The following ADAMTS2 variants were observed in gnomAD, a reference collection of about 807,000 sequenced individuals.
The protein encoded by ADAMTS2 is ADAM metallopeptidase with thrombospondin type 1 motif 2, also known as A disintegrin and metalloproteinase with thrombospondin motifs 2.
ADAMTS2 carries 50 observed loss-of-function variants against 123.0 expected under a neutral mutation model. The observed-to-expected ratio is 0.41, with a 90% CI of 0.32 to 0.51. The LOEUF is 0.51. Among genes scored for constraint, ADAMTS2 ranks in the 20% least tolerant of loss-of-function variants. The probability of loss-of-function intolerance (pLI) is 0.35; values close to 1 mark genes in which losing one functional copy is unlikely to be tolerated. For missense variants in ADAMTS2, 1,494 were observed against 1,705.2 expected (o/e 0.88, Z 2.18); for synonymous variants, 678 against 695.4 (o/e 0.98, Z 0.39).
chr5:179,208,578 C>T (rs1253211161), intron 3 of ADAMTS2, among the ~76,000 whole-genome samples: 2 of 152,180 alleles, frequency 1.3e-5, no homozygotes, highest in Non-Finnish European at 2.9e-5. Flanking sequence ...CTGTGCAGTG[C>T]TGTCTCTGCT....
At chr5:179,145,873 A>G (rs1358323796) in intron 10 of ADAMTS2, among the ~76,000 whole-genome samples, 1 of 152,142 alleles carries the variant, frequency 6.6e-6, no homozygotes, top group Non-Finnish European at 1.5e-5. Flanking sequence ...TATTTTTGAG[A>G]CGAAGTTTCG....
Position 179,273,020 on chromosome 5 carries a change from G to A in ADAMTS2, c.579C>T (p.Pro193=). Residue 193 remains proline (P), a synonymous_variant, in exon 3 of 22, where the codon CCC becomes CCT. Coordinates refer to ENST00000251582, the MANE Select transcript of ADAMTS2 (RefSeq NM_014244.5). ...RMEEEEFFIE[P]LEKGLAAQEA... Reference sequence around the variant, plus strand: ...CCTGCGCCGCCAGCCCCTTCTCCAAGGGTTCGATGAAGAACTCCTCCTCCT... The same window carrying A: ...CCTGCGCCGCCAGCCCCTTCTCCAAAGGTTCGATGAAGAACTCCTCCTCCT... 1 of 1,613,550 alleles carries A rather than the reference G, an allele frequency of 6.2e-7. No individual in the cohort carries two copies. Among genetic ancestry groups the A allele is most frequent in the Non-Finnish European group, 8.5e-7 (1 of 1,180,022 alleles).
chr5:179,223,591 C>A (rs1018055047), intron 3 of ADAMTS2, among the ~76,000 whole-genome samples: 8 of 151,258 alleles, frequency 5.3e-5, no homozygotes, highest in Non-Finnish European at 8.9e-5. Flanking sequence ...CGCATGCACT[C>A]ACGCGTGAAT....
chr5:179,136,075 G>C (rs913492263), intron 12 of ADAMTS2, 33 bp from the exon 13 acceptor site: 2 of 1,612,848 alleles, frequency 1.2e-6, no homozygotes, highest in Non-Finnish European at 1.7e-6. Flanking sequence ...TCTGCAAGGA[G>C]CCCTGATGGC....
chr5:179,314,666 C>T lies in ADAMTS2; in HGVS notation c.534+29101G>A, dbSNP rs1248943281. On this transcript the variant is annotated intron_variant, in intron 2 of 21. Coordinates refer to ENST00000251582, the MANE Select transcript of ADAMTS2 (RefSeq NM_014244.5). The surrounding 1 kb of genome is among the most constrained non-coding windows in gnomAD (Gnocchi z 4.5). ...TGTGCTTGTCCCACAGGGTGACGGG[C>T]CAGAATTACAAGCCCCTGATTCTGG... is the stretch of plus-strand genomic sequence containing the variant. 1.3e-5 allele frequency among the ~76,000 whole-genome samples: 2 copies of T among 151,938 alleles called. No individual in the cohort carries two copies. Among genetic ancestry groups the T allele is most frequent in the East Asian group, 1.9e-4 (1 of 5,164 alleles).
chr5:179,210,837 TC>T (rs1368310085), intron 3 of ADAMTS2, among the ~76,000 whole-genome samples: 1 of 152,198 alleles, frequency 6.6e-6, no homozygotes, highest in Non-Finnish European at 1.5e-5. Flanking sequence ...GAGTGCCACC[TC>T]AGTTTTCCCC....
intron 3 of ADAMTS2, among the ~76,000 whole-genome samples, chr5:179,229,381 G>A (rs1471446708): frequency 2.0e-4 from 7 of 35,576 alleles, no homozygotes; most frequent in Admixed American, 2.9e-4. Context: ...CCACAAACAC[G>A]AGACCCCGCT....
chr5:179,304,021 T>C (rs1233505371), intron 2 of ADAMTS2, among the ~76,000 whole-genome samples: 2 of 152,142 alleles, frequency 1.3e-5, no homozygotes, highest in Non-Finnish European at 2.9e-5. Context: ...CAACACGCCA[T>C]AGGTTCTGGG....
At chr5:179,329,196 G>C (rs373753669) in intron 2 of ADAMTS2, among the ~76,000 whole-genome samples, 1 of 151,928 alleles carries the variant, frequency 6.6e-6, no homozygotes, top group Admixed American at 6.6e-5. Context: ...GTGTGGTGGC[G>C]GGCGCCTGTA....
intron 3 of ADAMTS2, among the ~76,000 whole-genome samples, chr5:179,222,859 G>C (rs1313902869): frequency 6.6e-6 from 1 of 152,206 alleles, no homozygotes; most frequent in African/African-American, 2.4e-5. Flanking sequence ...GCAGGGCCCA[G>C]CTGCCTCCGA....
At chr5:179,230,577 C>T (rs770094241) in intron 3 of ADAMTS2, among the ~76,000 whole-genome samples, 4 of 152,218 alleles carry the variant, frequency 2.6e-5, no homozygotes, top group Non-Finnish European at 4.4e-5. Context: ...CCTTGGGTCT[C>T]ACTTCTGGGA....
intron 4 of ADAMTS2, among the ~76,000 whole-genome samples, chr5:179,186,828 C>T (rs978477232): frequency 2.0e-5 from 3 of 150,414 alleles, no homozygotes; most frequent in East Asian, 2.0e-4. Context: ...CGGTCCCCCT[C>T]GTGTCCTCCC....
intron 3 of ADAMTS2, among the ~76,000 whole-genome samples, chr5:179,258,183 A>T (rs1180167430): frequency 6.6e-6 from 1 of 152,108 alleles, no homozygotes; most frequent in Non-Finnish European, 1.5e-5. Flanking sequence ...TGGGGCTGGG[A>T]CTGCCCATGG....
At chr5:179,259,455 C>T (rs1257499940) in intron 3 of ADAMTS2, among the ~76,000 whole-genome samples, 6 of 152,210 alleles carry the variant, frequency 3.9e-5, no homozygotes, top group African/African-American at 1.4e-4. Context: ...TTGGATGAAT[C>T]AAGGGAGAGA....
intron 3 of ADAMTS2, among the ~76,000 whole-genome samples, chr5:179,235,753 CCT>C (rs1206989482): frequency 6.6e-6 from 1 of 152,228 alleles, no homozygotes; most frequent in Non-Finnish European, 1.5e-5. Context: ...CCAATAGGGT[CCT>C]CTCTGTTGCT....
Position 179,130,142 on chromosome 5 carries a change from G to C in ADAMTS2, c.2291-44C>G. On this transcript the variant is annotated intron_variant, in intron 15 of 21. Coordinates refer to ENST00000251582, the MANE Select transcript of ADAMTS2 (RefSeq NM_014244.5). This position sits in a 1 kb window ranked among gnomAD's most constrained non-coding sequence, Gnocchi z 4.3. Reference sequence around the variant, plus strand: ...AGTCCCCCGTTGTGGTCACCCAAGAGCAGGACCCAGGCCCACTGGTTTGGG... The same window carrying C: ...AGTCCCCCGTTGTGGTCACCCAAGACCAGGACCCAGGCCCACTGGTTTGGG... 1.2e-6 allele frequency: 2 copies of C among 1,612,310 alleles called. No individual in the cohort carries two copies. Among genetic ancestry groups the C allele is most frequent in the African/African-American group, 1.3e-5 (1 of 75,034 alleles).
intron 3 of ADAMTS2, among the ~76,000 whole-genome samples, chr5:179,269,411 CA>C (rs11440029): frequency 0.48 from 72,753 of 151,728 alleles, 17,970 homozygotes; most frequent in African/African-American, 0.59. Context: ...GGAGGCCTCA[CA>C]ATCATGGCAG....
intron 2 of ADAMTS2, among the ~76,000 whole-genome samples, chr5:179,280,495 G>A (rs944825397): frequency 2.0e-5 from 3 of 152,128 alleles, no homozygotes; most frequent in South Asian, 2.1e-4. Context: ...CCCCGCACAC[G>A]TTGGCAGGTA....
chr5:179,209,538 G>GCA (rs1192945143), intron 3 of ADAMTS2, among the ~76,000 whole-genome samples: 1 of 133,348 alleles, frequency 7.5e-6, no homozygotes, highest in Non-Finnish European at 1.7e-5. Flanking sequence ...ACACACACAT[G>GCA]CACACACATG....
Sources: allele counts gnomAD v4.1 joint callset (sites outside exome capture counted in the v4.1 genomes callset), GRCh38; gene constraint gnomAD v4.1.1; non-coding constraint Gnocchi (gnomAD v3.1); transcripts MANE v1.5; gene names NCBI Gene and HGNC (gene_info 2026-07-23, HGNC 2026-07-21).